PARP4: variants seen among roughly 807,000 people sequenced by gnomAD.
The protein encoded by PARP4 is poly(ADP-ribose) polymerase family member 4.
Under a neutral mutation model 187.7 loss-of-function variants are expected in PARP4, and 120 were observed. The observed-to-expected ratio is 0.64, with a 90% CI of 0.55 to 0.74. PARP4 has a LOEUF of 0.74. Among genes scored for constraint, PARP4 ranks in the 30% least tolerant of loss-of-function variants. The pLI, the probability that PARP4 is intolerant of heterozygous loss-of-function variation, is 0.00. For missense variants in PARP4, 1,836 were observed against 2,070.5 expected (o/e 0.89, Z 2.20); for synonymous variants, 654 against 740.9 (o/e 0.88, Z 1.90).
chr13:24,485,276 T>G (rs1873491871), intron 11 of PARP4, among the ~76,000 whole-genome samples: 1 of 152,250 alleles, frequency 6.6e-6, no homozygotes, highest in Non-Finnish European at 1.5e-5. Flanking sequence ...TGTTTAATAT[T>G]AATGTCACCC....
chr13:24,469,179 C>T, intron 16 of PARP4, 69 bp from the exon 17 acceptor site: 1 of 1,079,646 alleles, frequency 9.3e-7, no homozygotes, highest in East Asian at 2.4e-5. Flanking sequence ...AAGAAAACAA[C>T]ATCAATGTTT....
chr13:24,456,526 A>G (rs988992292), intron 20 of PARP4, 48 bp from the exon 21 acceptor site: 4 of 1,552,336 alleles, frequency 2.6e-6, no homozygotes, highest in African/African-American at 1.4e-5. Flanking sequence ...GAGTAACACC[A>G]TATTAGCAGT....
Position 24,478,144 on chromosome 13 carries a change from G to A in PARP4, c.1581C>T (p.Tyr527=), listed in dbSNP as rs201085379. 3.5e-5 allele frequency: 57 copies of A among 1,613,428 alleles called. 1 individual carries two copies. Among genetic ancestry groups the A allele is most frequent in the Non-Finnish European group, 4.0e-5 (47 of 1,179,682 alleles). The change falls in exon 13 of 34, where the codon TAC becomes TAT. Residue 527 remains tyrosine, a synonymous_variant. Transcript: ENST00000381989. ...TTTGCGAAACTCCATGCACACTGTCGTAGCCTGGTGGTGCTTCAGTTAAGG... is the reference window on the plus strand; with the variant it reads ...TTTGCGAAACTCCATGCACACTGTCATAGCCTGGTGGTGCTTCAGTTAAGG... ...DFSLTEAPPG[Y]DSVHGVSQTA...
chr13:24,445,330 G>A (rs2137458829), intron 27 of PARP4, among the ~76,000 whole-genome samples: 1 of 151,942 alleles, frequency 6.6e-6, no homozygotes, highest in East Asian at 1.9e-4. Context: ...ATGTTAATGA[G>A]GTGACTTTTA....
At chr13:24,475,790 C>T (rs1376151849) in intron 14 of PARP4, among the ~76,000 whole-genome samples, 194 bp from the exon 15 acceptor site, 1 of 110,240 alleles carries the variant, frequency 9.1e-6, no homozygotes, top group Admixed American at 9.4e-5. Context: ...GTGCCTTCTG[C>T]CTTTTTTTTT....
chr13:24,462,019 C>T (rs996176717), intron 17 of PARP4, among the ~76,000 whole-genome samples: 1 of 152,142 alleles, frequency 6.6e-6, no homozygotes, highest in Admixed American at 6.5e-5. Flanking sequence ...TTAACAGACA[C>T]AAGGCAGAAT....
intron 31 of PARP4, 142 bp from the exon 32 acceptor site, chr13:24,431,618 C>G (rs1214391151): frequency 6.3e-6 from 4 of 631,008 alleles, no homozygotes; most frequent in Non-Finnish European, 8.4e-6. Context: ...AAGCCCAAAC[C>G]TCAGCACCAC....
At chr13:24,493,801 G>A in intron 7 of PARP4, 68 bp from the exon 8 acceptor site, 1 of 1,470,396 alleles carries the variant, frequency 6.8e-7, no homozygotes, top group Non-Finnish European at 9.4e-7. Flanking sequence ...ACTTACATGG[G>A]CCAACGAACA....
At chr13:24,465,082 G>T (rs1444352215) in intron 17 of PARP4, among the ~76,000 whole-genome samples, 1 of 152,066 alleles carries the variant, frequency 6.6e-6, no homozygotes, top group Admixed American at 6.6e-5. Context: ...TCAAAACCAC[G>T]ATGAGACACC....
At chr13:24,457,770 C>CAAAAAAAAAAAAAAAAAAAAAA (rs33930012) in intron 20 of PARP4, among the ~76,000 whole-genome samples, 1 of 85,652 alleles carries the variant, frequency 1.2e-5, no homozygotes, top group African/African-American at 5.0e-5. Flanking sequence ...GACTCTGTCT[C>CAAAAAAAAAAAAAAAAAAAAAA]AAAAAAAAAA....
At chr13:24,448,220 A>G (rs113708292) in intron 25 of PARP4, among the ~76,000 whole-genome samples, 1 of 152,120 alleles carries the variant, frequency 6.6e-6, no homozygotes, top group African/African-American at 2.4e-5. Flanking sequence ...AAAAAACACC[A>G]ACGACAAACA....
rs776660788 is a variant in PARP4 at position 24,434,669 on chromosome 13, G to A, written c.4472C>T (p.Ser1491Phe). ...ACAGAGATCTACTGGGGTAGTCCGG[G>A]ACTGACTGCAAAGAGCCTCAGGTAA... Reference protein sequence around the residue: ...SALPEALCSQSRTTPVDLCLL... With the variant: ...SALPEALCSQFRTTPVDLCLL... The change falls in exon 31 of 34, where the codon TCC (serine) becomes TTC (phenylalanine). Residue 1491 changes from serine to phenylalanine, a missense_variant. Ser to Phe is a radical substitution (Grantham distance 155). Coordinates refer to ENST00000381989, the MANE Select transcript of PARP4 (RefSeq NM_006437.4). The A allele has an allele frequency of 5.6e-6, 9 of 1,614,098 alleles. No individual in the cohort carries two copies. The highest frequency in any genetic ancestry group is 1.7e-5 in the Admixed American group (1 of 60,016).
rs148181294 is a variant in PARP4 at position 24,429,091 on chromosome 13, T to G, written c.4846+2286A>C. ...TCGAATTAAATGATTTTTTTCCTGTTCTGTCCATTCTGTTGTTAAGCTCAT... is the reference window on the plus strand; with the variant it reads ...TCGAATTAAATGATTTTTTTCCTGTGCTGTCCATTCTGTTGTTAAGCTCAT... On this transcript the variant is annotated intron_variant, in intron 32 of 33. Coordinates refer to ENST00000381989, the MANE Select transcript of PARP4 (RefSeq NM_006437.4). 1.3e-3 allele frequency among the ~76,000 whole-genome samples: 204 copies of G among 152,358 alleles called. 1 individual carries two copies. The highest frequency in any genetic ancestry group is 4.7e-3 in the African/African-American group (195 of 41,586).
In PARP4 at chr13:24,457,770, CAAAA is replaced by C. The variant is rs33930012; in HGVS notation, c.2424+1270_2424+1273del. 3.8e-3 allele frequency among the ~76,000 whole-genome samples: 325 copies of C among 85,646 alleles called. 3 individuals are homozygous for C. The highest frequency in any genetic ancestry group is 0.015 in the African/African-American group (301 of 19,938). The allele number at this position is 85,646 out of a possible 152,430, so 56.2% of individuals were successfully genotyped here. ...TGGGAAACAGAGTAAGACTCTGTCT[CAAAA>C]AAAAAAAAAAAAAAAAAAAAAAGAA... is the stretch of plus-strand genomic sequence containing the variant. On this transcript the variant is annotated intron_variant, in intron 20 of 33. Coordinates refer to ENST00000381989, the MANE Select transcript of PARP4 (RefSeq NM_006437.4).
chr13:24,434,969 G>A lies in PARP4; in HGVS notation c.4172C>T (p.Pro1391Leu), dbSNP rs929737441. 2 of 1,613,742 alleles carry A rather than the reference G, an allele frequency of 1.2e-6. No individual in the cohort carries two copies. The highest frequency in any genetic ancestry group is 1.3e-5 in the African/African-American group (1 of 74,910). Residue 1391 changes from proline to leucine, a missense_variant, in exon 31 of 34, where the codon CCA (proline) becomes CTA (leucine). Coordinates refer to ENST00000381989, the MANE Select transcript of PARP4 (RefSeq NM_006437.4). ...ASCPTGPPQN[P>L]PSSPYCGIVF... The stretch of plus-strand genomic sequence containing the variant: ...AATGCCACAATAGGGTGAAGAAGGT[G>A]GGTTCTGGGGAGGTCCTGTGGGACA...
At chr13:24,500,424 G>A in intron 3 of PARP4, 42 bp from the exon 4 acceptor site, 1 of 1,243,798 alleles carries the variant, frequency 8.0e-7, no homozygotes, top group Non-Finnish European at 1.2e-6. Context: ...ACTGCCCAAA[G>A]ACTTACTATA....
intron 32 of PARP4, among the ~76,000 whole-genome samples, chr13:24,430,944 G>A (rs1289494730): frequency 6.6e-6 from 1 of 152,186 alleles, no homozygotes; most frequent in Non-Finnish European, 1.5e-5. Context: ...TGATGCCAGG[G>A]TAATCTTTGT....
intron 10 of PARP4, among the ~76,000 whole-genome samples, chr13:24,488,654 C>T (rs952761257): frequency 6.6e-6 from 1 of 151,946 alleles, no homozygotes; most frequent in African/African-American, 2.4e-5. Context: ...ATGCCCGGCC[C>T]GGACTTTTTA....
Position 24,435,239 on chromosome 13 carries a change from A to G in PARP4, c.3902T>C (p.Leu1301Pro), listed in dbSNP as rs1442121509. The G allele has an allele frequency of 1.9e-6, 3 of 1,614,084 alleles. No homozygotes were observed. Among genetic ancestry groups the G allele is most frequent in the Middle Eastern group, 1.7e-4 (1 of 5,980 alleles). ...ESCKPTATEP[L>P]FKKVSPWETS... ...TTCCCATGGACTGACTTTCTTAAAT[A>G]GTGGTTCAGTTGCTGTTGGTTTACA... Residue 1301 changes from leucine to proline, a missense_variant, in exon 31 of 34, where the codon CTA (leucine) becomes CCA (proline). This residue lies in a region of PARP4 where 450 missense variants were observed against 439.2 expected (regional missense o/e 1.02). Transcript: ENST00000381989.
Sources: gnomAD v4.1 joint callset for allele counts (sites outside exome capture counted in the v4.1 genomes callset) on GRCh38, gnomAD v4.1.1 for gene constraint, gnomAD v4.1.1 regional missense constraint, MANE v1.5 for transcripts, NCBI Gene and HGNC (gene_info 2026-07-23, HGNC 2026-07-21) for gene names.